Variants in ATG5 observed in about 807,000 individuals in gnomAD.
ATG5 encodes the protein autophagy related 5.
ATG5 carries 14 observed loss-of-function variants against 36.5 expected under a neutral mutation model. The ratio of observed to expected loss-of-function variants is 0.38; its 90% confidence interval spans 0.25 to 0.60. The LOEUF is 0.60. ATG5 is among the 20% of genes least tolerant of loss of function. ATG5 has a pLI of 0.60. For synonymous variants in ATG5, 95 were observed against 101.5 expected (o/e 0.94, Z 0.38); for missense variants, 195 against 326.7 (o/e 0.60, Z 3.11).
At chr6:106,313,219 T>C (rs531785201) in intron 2 of ATG5, among the ~76,000 whole-genome samples, 1 of 152,258 alleles carries the variant, frequency 6.6e-6, no homozygotes, top group South Asian at 2.1e-4. Flanking sequence ...GGGATGCAGA[T>C]AGGTTTTGCA....
At chr6:106,306,238 G>T (rs1770442024) in intron 3 of ATG5, among the ~76,000 whole-genome samples, 1 of 152,196 alleles carries the variant, frequency 6.6e-6, no homozygotes, top group Non-Finnish European at 1.5e-5. Context: ...CAGTGACAAG[G>T]AGAAATGGGT....
chr6:106,224,224 T>C lies in ATG5; in HGVS notation c.574-22135A>G, dbSNP rs1388276236. ...GTGTTATTTGGTTGCAGTCTAGCTA[T>C]ATTTTAGGAAACATCAAATTAATAT... On this transcript the variant is annotated intron_variant, in intron 6 of 7. Transcript: ENST00000369076. Among the ~76,000 whole-genome samples the C allele has an allele frequency of 1.3e-5, 2 of 152,234 alleles. 1 individual carries two copies. Among genetic ancestry groups the C allele is most frequent in the Non-Finnish European group, 2.9e-5 (2 of 68,042 alleles).
At chr6:106,282,451 C>G (rs1471114352) in intron 4 of ATG5, among the ~76,000 whole-genome samples, 1 of 152,088 alleles carries the variant, frequency 6.6e-6, no homozygotes, top group African/African-American at 2.4e-5. Flanking sequence ...ACCCTTTGCC[C>G]CAGAAGTAAC....
chr6:106,284,478 T>C (rs1307957820), intron 4 of ATG5, among the ~76,000 whole-genome samples: 2 of 152,184 alleles, frequency 1.3e-5, no homozygotes, highest in African/African-American at 4.8e-5. Context: ...GCCTTCCAAA[T>C]AGCTGGGACT....
intron 5 of ATG5, among the ~76,000 whole-genome samples, chr6:106,273,224 A>G (rs984319411): frequency 1.3e-5 from 2 of 152,230 alleles, no homozygotes; most frequent in Non-Finnish European, 2.9e-5. Flanking sequence ...ACACTGTAAC[A>G]AAAAACACAG....
chr6:106,200,642 ATT>A (rs1423194446), intron 7 of ATG5, among the ~76,000 whole-genome samples: 1 of 151,624 alleles, frequency 6.6e-6, no homozygotes, highest in Non-Finnish European at 1.5e-5. Context: ...CGCCCAGCTG[ATT>A]TTTTTTGTGT....
intron 6 of ATG5, among the ~76,000 whole-genome samples, chr6:106,230,211 A>C (rs1385943563): frequency 1.3e-5 from 2 of 152,196 alleles, no homozygotes; most frequent in Admixed American, 1.3e-4. Context: ...AGCTGTTTGC[A>C]CTCAGCCAAG....
intron 3 of ATG5, among the ~76,000 whole-genome samples, chr6:106,297,881 A>C (rs1363306552): frequency 6.6e-6 from 1 of 151,752 alleles, no homozygotes; most frequent in African/African-American, 2.4e-5. Flanking sequence ...CACTAGCCTG[A>C]GCAACATGGC....
intron 6 of ATG5, among the ~76,000 whole-genome samples, chr6:106,234,811 A>C (rs1208630262): frequency 6.6e-6 from 1 of 152,160 alleles, no homozygotes; most frequent in Admixed American, 6.5e-5. Flanking sequence ...GTTCTACTAC[A>C]AACTATCTCA....
intron 1 of ATG5, 106 bp from the exon 2 acceptor site, chr6:106,316,372 T>G: frequency 2.4e-6 from 1 of 415,722 alleles, no homozygotes; most frequent in Non-Finnish European, 4.2e-6. Flanking sequence ...GATTATCCAC[T>G]TCAAAAAAAA....
At chr6:106,207,418 A>G (rs935135089) in intron 6 of ATG5, among the ~76,000 whole-genome samples, 3 of 152,150 alleles carry the variant, frequency 2.0e-5, no homozygotes, top group Admixed American at 1.3e-4. Context: ...TGTTACAGCT[A>G]TATTGTAAAT....
chr6:106,203,448 C>T (rs1489769624), intron 6 of ATG5, among the ~76,000 whole-genome samples: 1 of 152,112 alleles, frequency 6.6e-6, no homozygotes, highest in African/African-American at 2.4e-5. Context: ...CTTTGCCAAC[C>T]ACAGAGTAAA....
At chr6:106,214,633 A>T (rs1313954459) in intron 6 of ATG5, among the ~76,000 whole-genome samples, 1 of 152,206 alleles carries the variant, frequency 6.6e-6, no homozygotes, top group Non-Finnish European at 1.5e-5. Context: ...TACTTATTAT[A>T]ATTCTGTCTA....
chr6:106,294,581 G>A (rs191701369), intron 3 of ATG5, among the ~76,000 whole-genome samples: 1 of 151,868 alleles, frequency 6.6e-6, no homozygotes, highest in African/African-American at 2.4e-5. Flanking sequence ...ACTTTGGGGG[G>A]CCAAGGTGGG....
intron 5 of ATG5, among the ~76,000 whole-genome samples, chr6:106,258,928 T>C (rs1369131735): frequency 6.6e-6 from 1 of 152,154 alleles, no homozygotes; most frequent in Non-Finnish European, 1.5e-5. Context: ...ACTACAGAAA[T>C]AAATATTACT....
chr6:106,242,269 C>A (rs1168673225), intron 6 of ATG5, among the ~76,000 whole-genome samples: 1 of 152,080 alleles, frequency 6.6e-6, no homozygotes, highest in Admixed American at 6.6e-5. Flanking sequence ...TGTGAGCCAC[C>A]ACACCCAGCC....
intron 4 of ATG5, among the ~76,000 whole-genome samples, chr6:106,291,794 A>G (rs957353847): frequency 1.3e-5 from 2 of 152,254 alleles, no homozygotes; most frequent in South Asian, 4.1e-4. Flanking sequence ...CTTGCTTTGC[A>G]TGTAACATGG....
intron 4 of ATG5, among the ~76,000 whole-genome samples, chr6:106,291,986 G>C (rs979726365): frequency 2.0e-5 from 3 of 152,200 alleles, no homozygotes; most frequent in Non-Finnish European, 2.9e-5. Context: ...CATGAAGAAT[G>C]AATGAGCAAC....
intron 6 of ATG5, among the ~76,000 whole-genome samples, chr6:106,212,158 C>G (rs1317989643): frequency 3.3e-5 from 5 of 152,140 alleles, no homozygotes; most frequent in African/African-American, 4.8e-5. Flanking sequence ...GGGATGGACT[C>G]TGGAAATATC....
Sources: gnomAD v4.1 joint callset for allele counts (sites outside exome capture counted in the v4.1 genomes callset) on GRCh38, gnomAD v4.1.1 for gene constraint, MANE v1.5 for transcripts, NCBI Gene and HGNC (gene_info 2026-07-23, HGNC 2026-07-21) for gene names.